The following IFT43 variants were observed in gnomAD, a reference collection of about 807,000 sequenced individuals.
IFT43 encodes intraflagellar transport protein 43 homolog.
A neutral mutation model predicts 32.3 loss-of-function variants in IFT43; 33 were observed. The observed-to-expected ratio is 1.02, with a 90% CI of 0.77 to 1.37. The LOEUF is 1.37. IFT43 is among the 40% of genes most tolerant of loss of function. The pLI, the probability that IFT43 is intolerant of heterozygous loss-of-function variation, is 0.00. For synonymous variants in IFT43, 93 were observed against 98.2 expected (o/e 0.95, Z 0.31); for missense variants, 274 against 265.9 (o/e 1.03, Z -0.21).
chr14:76,020,608 T>C (rs762371201), intron 2 of IFT43, among the ~76,000 whole-genome samples: 3 of 152,026 alleles, frequency 2.0e-5, no homozygotes, highest in Non-Finnish European at 4.4e-5. Flanking sequence ...GTAGTTTTTA[T>C]ATATCTTCAG....
At position 76,058,458 on chromosome 14, in the gene IFT43, G is replaced by T. The variant is rs1050285581; in HGVS notation, c.216-184G>T. Reference sequence around the variant, plus strand: ...GAGGCTGACATAAAGCTGTAAGAAGGCACTACAGCATCTTCAGTTCTCTCA... The same window carrying T: ...GAGGCTGACATAAAGCTGTAAGAAGTCACTACAGCATCTTCAGTTCTCTCA... On this transcript the variant is annotated intron_variant, in intron 3 of 8. Transcript: ENST00000314067. 5.2e-5 allele frequency: 31 copies of T among 591,492 alleles called. No individual in the cohort carries two copies. The African/African-American group carries it at 5.4e-4, about 10-fold the overall frequency. The allele number at this position is 591,492 out of a possible 1,614,324, so 36.6% of individuals were successfully genotyped here. A position where few individuals can be genotyped will look rare whatever the true frequency, so the allele number is the denominator to read the frequency against.
At chr14:76,036,421 T>TC (rs2036600247) in intron 3 of IFT43, among the ~76,000 whole-genome samples, 1 of 149,902 alleles carries the variant, frequency 6.7e-6, no homozygotes. Flanking sequence ...TTTTTTTTTT[T>TC]TTTTGGTGGA....
chr14:76,027,602 G>A (rs1408911786), intron 3 of IFT43, among the ~76,000 whole-genome samples: 1 of 151,688 alleles, frequency 6.6e-6, no homozygotes, highest in Non-Finnish European at 1.5e-5. Context: ...CCAGCTACTC[G>A]GGAGGCTGAG....
intron 2 of IFT43, among the ~76,000 whole-genome samples, chr14:76,009,366 A>G (rs2036037100): frequency 6.6e-6 from 1 of 152,246 alleles, no homozygotes; most frequent in Non-Finnish European, 1.5e-5. Flanking sequence ...TAATCCTCCT[A>G]AAGCTTTCAC....
intron 2 of IFT43, among the ~76,000 whole-genome samples, chr14:75,989,418 A>G (rs571293945): frequency 1.4e-4 from 21 of 151,644 alleles, no homozygotes; most frequent in African/African-American, 4.4e-4. Context: ...TTTCCTGGAA[A>G]CTTTTCCGAG....
chr14:76,041,765 A>G (rs1275189762), intron 3 of IFT43, among the ~76,000 whole-genome samples: 1 of 152,120 alleles, frequency 6.6e-6, no homozygotes, highest in Non-Finnish European at 1.5e-5. Flanking sequence ...TTTTTTATGT[A>G]AACAGATCAC....
chr14:76,059,435 C>A, intron 5 of IFT43, 62 bp downstream of exon 5: 1 of 1,513,176 alleles, frequency 6.6e-7, no homozygotes, highest in Non-Finnish European at 9.2e-7. Flanking sequence ...ATTTCCTGGG[C>A]TACAGCTAAG....
At chr14:75,986,272 A>G (rs1045351195) in intron 1 of IFT43, 1 of 1,273,634 alleles carries the variant, frequency 7.9e-7, no homozygotes, top group Admixed American at 2.4e-5. Context: ...TGTTTTATGC[A>G]TGGAAGGGAG....
intron 2 of IFT43, among the ~76,000 whole-genome samples, chr14:76,010,736 A>G (rs1039025671): frequency 6.6e-6 from 1 of 152,154 alleles, no homozygotes; most frequent in African/African-American, 2.4e-5. Flanking sequence ...CAGTATGAAT[A>G]ATTTCCTAAC....
intron 5 of IFT43, among the ~76,000 whole-genome samples, chr14:76,074,945 T>C (rs1472728621): frequency 1.3e-5 from 2 of 152,204 alleles, no homozygotes; most frequent in Non-Finnish European, 2.9e-5. Context: ...GCTATTTTGA[T>C]CTTCCTCCTC....
intron 5 of IFT43, among the ~76,000 whole-genome samples, chr14:76,069,767 G>T (rs1037011249): frequency 6.6e-6 from 1 of 152,190 alleles, no homozygotes; most frequent in Admixed American, 6.5e-5. Flanking sequence ...ACTCAGTCTT[G>T]TGTTTAACCA....
At chr14:76,044,505 T>C (rs1300569688) in intron 3 of IFT43, among the ~76,000 whole-genome samples, 2 of 152,208 alleles carry the variant, frequency 1.3e-5, no homozygotes, top group African/African-American at 2.4e-5. Flanking sequence ...CCTAGTCGTT[T>C]TGGGTGTTTA....
At chr14:75,990,180 G>T (rs2035609651) in intron 2 of IFT43, among the ~76,000 whole-genome samples, 1 of 152,244 alleles carries the variant, frequency 6.6e-6, no homozygotes, top group South Asian at 2.1e-4. Flanking sequence ...AGCCAAAGCT[G>T]GTTGGTGCTG....
At chr14:76,015,011 C>T (rs1460992008) in intron 2 of IFT43, among the ~76,000 whole-genome samples, 1 of 152,222 alleles carries the variant, frequency 6.6e-6, no homozygotes, top group African/African-American at 2.4e-5. Flanking sequence ...TGTTCTTGGC[C>T]TCATGGAACA....
intron 2 of IFT43, among the ~76,000 whole-genome samples, chr14:76,010,997 G>A (rs2036073822): frequency 6.6e-6 from 1 of 150,994 alleles, no homozygotes; most frequent in Admixed American, 6.6e-5. Context: ...CAACCTCATG[G>A]GCTCAAGTGA....
intron 2 of IFT43, among the ~76,000 whole-genome samples, chr14:75,999,278 TA>T (rs1407381979): frequency 1.4e-3 from 33 of 23,676 alleles, no homozygotes; most frequent in African/African-American, 1.9e-3. Flanking sequence ...TATATGTATA[TA>T]TATTTTTTTT....
intron 1 of IFT43, chr14:75,986,412 A>T (rs985976645): frequency 4.6e-6 from 2 of 431,394 alleles, no homozygotes; most frequent in Non-Finnish European, 7.0e-6. Flanking sequence ...TCAGGCACTG[A>T]GGCCAGATGG....
intron 5 of IFT43, among the ~76,000 whole-genome samples, chr14:76,071,190 C>G (rs1425348918): frequency 6.6e-6 from 1 of 152,146 alleles, no homozygotes; most frequent in African/African-American, 2.4e-5. Context: ...AAGCTGCCCT[C>G]TCTTTTGTCT....
chr14:76,057,244 T>TA (rs889274611), intron 3 of IFT43, among the ~76,000 whole-genome samples: 2 of 151,884 alleles, frequency 1.3e-5, no homozygotes, highest in Non-Finnish European at 2.9e-5. Flanking sequence ...ATATTATTAT[T>TA]TTTTTTGAGA....
Sources: allele counts gnomAD v4.1 joint callset (sites outside exome capture counted in the v4.1 genomes callset), GRCh38; gene constraint gnomAD v4.1.1; transcripts MANE v1.5; gene names NCBI Gene and HGNC (gene_info 2026-07-23, HGNC 2026-07-21).